ELP4: variants seen among roughly 807,000 people sequenced by gnomAD.
ELP4 encodes the protein elongator acetyltransferase complex subunit 4.
A neutral mutation model predicts 48.9 loss-of-function variants in ELP4; 51 were observed. The observed-to-expected ratio is 1.04, with a 90% confidence interval of 0.83 to 1.32. ELP4 has a LOEUF of 1.32. Among genes scored for constraint, ELP4 ranks in the 40% most tolerant of loss-of-function variants. The pLI is 0.00. For synonymous variants in ELP4, 210 were observed against 189.2 expected (o/e 1.11, Z -0.90); for missense variants, 519 against 514.6 (o/e 1.01, Z -0.08).
chr11:31,778,223 C>G (rs1453066098), intron 9 of ELP4, among the ~76,000 whole-genome samples: 3 of 152,202 alleles, frequency 2.0e-5, no homozygotes, highest in African/African-American at 7.2e-5. Context: ...GGCCCAGAAG[C>G]CAGGCATCTT....
At position 31,517,188 on chromosome 11, in the gene ELP4, C is replaced by CT. The variant is rs999702137; in HGVS notation, c.224-2855dup. 4.0e-3 allele frequency among the ~76,000 whole-genome samples: 587 copies of CT among 145,726 alleles called. 5 individuals carry two copies. The highest frequency in any genetic ancestry group is 0.011 in the African/African-American group (446 of 40,088). On this transcript the variant is annotated intron_variant, in intron 1 of 9. Transcript: ENST00000640961. ...CAAAAAATAAACACTATCAAAGGAA[C>CT]TTTTTTTTTTTTTGAGACAGAGTCT...
intron 9 of ELP4, among the ~76,000 whole-genome samples, chr11:31,771,938 T>C (rs942039741): frequency 1.3e-5 from 2 of 151,782 alleles, no homozygotes; most frequent in East Asian, 2.0e-4. Context: ...GCCAAGATTG[T>C]GCCACTGCAC....
intron 9 of ELP4, among the ~76,000 whole-genome samples, chr11:31,677,902 A>G (rs778830494): frequency 3.3e-5 from 5 of 152,154 alleles, no homozygotes; most frequent in Non-Finnish European, 7.3e-5. Context: ...CTCTGTTTTG[A>G]CATTCTGTGG....
intron 2 of ELP4, among the ~76,000 whole-genome samples, chr11:31,530,494 CATAA>C (rs941815833): frequency 1.4e-4 from 21 of 151,496 alleles, no homozygotes; most frequent in South Asian, 6.3e-4. Context: ...TAATAGTTCC[CATAA>C]ATAAATAAGG....
At chr11:31,769,556 C>T (rs1448017463) in intron 9 of ELP4, among the ~76,000 whole-genome samples, 1 of 152,134 alleles carries the variant, frequency 6.6e-6, no homozygotes, top group Non-Finnish European at 1.5e-5. Context: ...ATTCCGTAAG[C>T]TGTGTATCAG....
At chr11:31,665,370 T>C (rs1351787456) in intron 9 of ELP4, among the ~76,000 whole-genome samples, 1 of 152,140 alleles carries the variant, frequency 6.6e-6, no homozygotes, top group Non-Finnish European at 1.5e-5. Context: ...CTCTCTAGTA[T>C]TTTTAATTTT....
chr11:31,710,946 C>T (rs1436510165), intron 9 of ELP4, among the ~76,000 whole-genome samples: 1 of 151,998 alleles, frequency 6.6e-6, no homozygotes, highest in East Asian at 1.9e-4. Flanking sequence ...ACTATGAGCA[C>T]GGAGTCTAAT....
intron 3 of ELP4, among the ~76,000 whole-genome samples, chr11:31,564,460 A>C (rs1445978213): frequency 6.6e-6 from 1 of 151,478 alleles, no homozygotes; most frequent in East Asian, 1.9e-4. Flanking sequence ...TACATGTGCC[A>C]TGTTGGTGTG....
chr11:31,654,710 T>G (rs1945391980), intron 9 of ELP4: 1 of 151,860 alleles, frequency 6.6e-6, no homozygotes, highest in African/African-American at 2.4e-5. Context: ...ATTTGGAGTA[T>G]TTCATGATAT....
At chr11:31,603,001 G>T (rs1957810059) in intron 4 of ELP4, among the ~76,000 whole-genome samples, 2 of 151,850 alleles carry the variant, frequency 1.3e-5, no homozygotes, top group Admixed American at 6.6e-5. Context: ...TATGTTAGTA[G>T]ACTTTTGCTA....
At chr11:31,562,538 C>T (rs1957038816) in intron 3 of ELP4, among the ~76,000 whole-genome samples, 1 of 151,980 alleles carries the variant, frequency 6.6e-6, no homozygotes, top group Non-Finnish European at 1.5e-5. Context: ...GATGTGATTG[C>T]CAAATAACAA....
At chr11:31,728,304 TATA>T (rs1947117407) in intron 9 of ELP4, among the ~76,000 whole-genome samples, 1 of 152,126 alleles carries the variant, frequency 6.6e-6, no homozygotes, top group Admixed American at 6.6e-5. Flanking sequence ...ATATTACTGT[TATA>T]ATTTTTTCAA....
intron 7 of ELP4, among the ~76,000 whole-genome samples, chr11:31,635,822 A>T (rs938281521): frequency 9.9e-5 from 15 of 152,080 alleles, no homozygotes; most frequent in African/African-American, 3.6e-4. Context: ...AATAAGATAT[A>T]AAAGTCTATC....
chr11:31,636,785 A>G (rs1011256305), intron 7 of ELP4, among the ~76,000 whole-genome samples: 3 of 151,968 alleles, frequency 2.0e-5, no homozygotes, highest in African/African-American at 4.8e-5. Context: ...CTTTAATGCC[A>G]CAGGAAAAAA....
At chr11:31,753,371 C>A (rs1947767804) in intron 9 of ELP4, among the ~76,000 whole-genome samples, 1 of 152,204 alleles carries the variant, frequency 6.6e-6, no homozygotes, top group African/African-American at 2.4e-5. Context: ...CAGCAAACTA[C>A]CTCCTCAGGG....
rs550693852 is a variant in ELP4, at chr11:31,655,662, G to A, written c.1143+5441G>A. On this transcript the variant is annotated intron_variant, in intron 9 of 9. Transcript: ENST00000640961. Reference sequence around the variant, plus strand: ...GCTCTCACACAAAACAAGCTTACACGACACAATCATGCGGTATTAAAGTTA... The same window carrying A: ...GCTCTCACACAAAACAAGCTTACACAACACAATCATGCGGTATTAAAGTTA... Among the ~76,000 whole-genome samples the A allele has an allele frequency of 3.9e-5, 6 of 152,058 alleles. No homozygotes were observed. In the South Asian group the frequency reaches 1.0e-3, roughly 26 times the overall value.
intron 9 of ELP4, among the ~76,000 whole-genome samples, chr11:31,704,380 C>T (rs181173838): frequency 3.1e-4 from 47 of 152,110 alleles, no homozygotes; most frequent in African/African-American, 9.9e-4. Flanking sequence ...AGCAAACTAT[C>T]GCAAGAACAA....
intron 9 of ELP4, among the ~76,000 whole-genome samples, chr11:31,684,897 G>A (rs113704980): frequency 1.3e-4 from 20 of 152,084 alleles, no homozygotes; most frequent in African/African-American, 4.6e-4. Context: ...AGGAGCTGAG[G>A]GTACTTTCAA....
At chr11:31,776,944 A>T (rs972933294) in intron 9 of ELP4, among the ~76,000 whole-genome samples, 1 of 152,232 alleles carries the variant, frequency 6.6e-6, no homozygotes, top group African/African-American at 2.4e-5. Context: ...TACCAAATGT[A>T]CACTTGCCAA....
Sources: gnomAD v4.1 joint callset for allele counts (sites outside exome capture counted in the v4.1 genomes callset) on GRCh38, gnomAD v4.1.1 for gene constraint, MANE v1.5 for transcripts, NCBI Gene and HGNC (gene_info 2026-07-23, HGNC 2026-07-21) for gene names.